NBAS: variants seen among roughly 807,000 people sequenced by gnomAD.
NBAS encodes the protein NAG/BC035112 fusion.
In NBAS, 219 loss-of-function variants were observed where a neutral mutation model predicts 302.5. That is an observed-to-expected ratio of 0.72 (90% CI 0.65 to 0.81). NBAS has a LOEUF of 0.81. NBAS is among the 30% of genes least tolerant of loss of function. NBAS has a pLI of 0.00. For missense variants in NBAS, 2,932 were observed against 2,841.6 expected (o/e 1.03, Z -0.72); for synonymous variants, 1,118 against 1,021.6 (o/e 1.09, Z -1.80).
chr2:15,366,493 G>T, intron 32 of NBAS, 87 bp downstream of exon 32: 5 of 1,287,432 alleles, frequency 3.9e-6, no homozygotes, highest in Non-Finnish European at 5.6e-6. Flanking sequence ...TTCTGACGCT[G>T]TAAGCACATA....
intron 21 of NBAS, among the ~76,000 whole-genome samples, chr2:15,439,173 G>A (rs900988047): frequency 1.3e-5 from 2 of 151,858 alleles, no homozygotes; most frequent in Admixed American, 6.6e-5. Context: ...TGCAGTGGCA[G>A]GCACCTGCAG....
At chr2:15,113,651 G>A in the NBAS span, among the ~76,000 whole-genome samples, 5 of 151,964 alleles carry the variant, frequency 3.3e-5, no homozygotes, top group Admixed American at 6.6e-5. Flanking sequence ...TCTTAAATCC[G>A]TAAGTTTACC....
intron 44 of NBAS, among the ~76,000 whole-genome samples, chr2:15,274,910 G>A (rs1437146079): frequency 6.6e-6 from 1 of 151,362 alleles, no homozygotes; most frequent in African/African-American, 2.4e-5. Context: ...GACTACAGGT[G>A]CATACCACCA....
At chr2:15,454,312 T>G (rs997691526) in intron 21 of NBAS, among the ~76,000 whole-genome samples, 2 of 152,012 alleles carry the variant, frequency 1.3e-5, no homozygotes, top group South Asian at 4.1e-4. Flanking sequence ...TATGGAAAAA[T>G]AGAGTTTATT....
At chr2:14,793,164 A>C in the NBAS span, among the ~76,000 whole-genome samples, 1 of 152,086 alleles carries the variant, frequency 6.6e-6, no homozygotes, top group Admixed American at 6.6e-5. Flanking sequence ...TCACCAGAAA[A>C]TCAGTCAGTT....
chr2:14,811,862 T>C, the NBAS span, among the ~76,000 whole-genome samples: 8 of 152,146 alleles, frequency 5.3e-5, no homozygotes, highest in Non-Finnish European at 1.5e-5. Flanking sequence ...TGGTTAGCTA[T>C]AGTGGGTTAG....
At chr2:14,868,515 G>C in the NBAS span, among the ~76,000 whole-genome samples, 1 of 152,092 alleles carries the variant, frequency 6.6e-6, no homozygotes, top group Non-Finnish European at 1.5e-5. Context: ...TACTGAAAAA[G>C]CCTTCTCACT....
chr2:14,930,043 C>T, the NBAS span, among the ~76,000 whole-genome samples: 9 of 152,156 alleles, frequency 5.9e-5, no homozygotes, highest in Non-Finnish European at 1.0e-4. Flanking sequence ...TGTTCTGCCA[C>T]GATTGTAAGT....
intron 49 of NBAS, among the ~76,000 whole-genome samples, chr2:15,189,450 AG>A (rs1665240874): frequency 6.6e-6 from 1 of 152,172 alleles, no homozygotes; most frequent in South Asian, 2.1e-4. Context: ...CTGTGGGGGC[AG>A]TATGTCAGCT....
the NBAS span, among the ~76,000 whole-genome samples, chr2:14,857,945 GA>G: frequency 6.6e-6 from 1 of 152,046 alleles, no homozygotes; most frequent in Non-Finnish European, 1.5e-5. Flanking sequence ...TTAATAACTA[GA>G]ATATATAAGG....
At chr2:14,996,130 C>T in the NBAS span, among the ~76,000 whole-genome samples, 1 of 152,284 alleles carries the variant, frequency 6.6e-6, no homozygotes. Flanking sequence ...GATCTTCAAT[C>T]GTGTCTTTTG....
At chr2:15,322,917 AAG>A (rs1277409811) in intron 38 of NBAS, among the ~76,000 whole-genome samples, 1 of 152,142 alleles carries the variant, frequency 6.6e-6, no homozygotes, top group Non-Finnish European at 1.5e-5. Flanking sequence ...ATGTAAATAA[AAG>A]AGATTATTAT....
intron 48 of NBAS, among the ~76,000 whole-genome samples, chr2:15,190,640 T>G (rs1194813604): frequency 6.6e-6 from 1 of 152,188 alleles, no homozygotes; most frequent in Non-Finnish European, 1.5e-5. Context: ...CAAAGTAAAT[T>G]CAAACAAGCA....
At chr2:14,875,723 G>A in the NBAS span, among the ~76,000 whole-genome samples, 2 of 152,168 alleles carry the variant, frequency 1.3e-5, no homozygotes, top group African/African-American at 4.8e-5. Context: ...TTGATATTTG[G>A]TGCCCCTGAA....
At chr2:15,188,107 C>T (rs919538488) in intron 49 of NBAS, among the ~76,000 whole-genome samples, 2 of 152,168 alleles carry the variant, frequency 1.3e-5, no homozygotes, top group Non-Finnish European at 2.9e-5. Flanking sequence ...CAATGGGCAA[C>T]GAGGCTTTGG....
intron 11 of NBAS, among the ~76,000 whole-genome samples, chr2:15,490,303 T>C (rs924446987): frequency 9.9e-5 from 15 of 152,090 alleles, no homozygotes; most frequent in African/African-American, 3.1e-4. Context: ...AATGAGTACA[T>C]AGATGAAAAG....
At chr2:15,129,987 G>C in the NBAS span, among the ~76,000 whole-genome samples, 1 of 152,076 alleles carries the variant, frequency 6.6e-6, no homozygotes, top group South Asian at 2.1e-4. Context: ...ATGATGTTGC[G>C]CAGCCCTCAC....
intron 40 of NBAS, among the ~76,000 whole-genome samples, chr2:15,301,478 G>T (rs1465578846): frequency 6.6e-6 from 1 of 152,142 alleles, no homozygotes; most frequent in African/African-American, 2.4e-5. Context: ...AAAAATGGGG[G>T]AAGAGTTTCT....
At chr2:15,093,388 C>T in the NBAS span, among the ~76,000 whole-genome samples, 1 of 152,130 alleles carries the variant, frequency 6.6e-6, no homozygotes, top group Non-Finnish European at 1.5e-5. Flanking sequence ...TATACTCCAG[C>T]CTGAGCAACA....
Sources: gnomAD v4.1 joint callset for allele counts (sites outside exome capture counted in the v4.1 genomes callset) on GRCh38, gnomAD v4.1.1 for gene constraint, MANE v1.5 for transcripts, NCBI Gene and HGNC (gene_info 2026-07-23, HGNC 2026-07-21) for gene names.